FRMD6: variants seen among roughly 807,000 people sequenced by gnomAD.
The protein encoded by FRMD6 is FERM domain-containing protein 6.
Under a neutral mutation model 73.2 loss-of-function variants are expected in FRMD6, and 37 were observed. That is an observed-to-expected ratio of 0.51 (90% CI 0.39 to 0.66). The LOEUF (loss-of-function observed/expected upper bound fraction) is 0.66, where lower values mean the gene tolerates loss of function less well. Ranked by LOEUF, FRMD6 falls within the 30% of genes least tolerant of loss-of-function variation. FRMD6 has a pLI of 0.00. For missense variants in FRMD6, 714 were observed against 780.5 expected, an observed-to-expected ratio of 0.91 and a Z score of 1.02; for synonymous variants, 273 against 282.2, an observed-to-expected ratio of 0.97 and a Z score of 0.33.
chr14:51,546,323 C>T (rs1344102952), intron 1 of FRMD6, among the ~76,000 whole-genome samples: 1 of 151,898 alleles, frequency 6.6e-6, no homozygotes, highest in Non-Finnish European at 1.5e-5. Context: ...ACGTGGCAGC[C>T]TCAGCAGCTC....
intron 2 of FRMD6, among the ~76,000 whole-genome samples, chr14:51,605,423 A>G (rs1484938058): frequency 6.6e-6 from 1 of 152,034 alleles, no homozygotes; most frequent in African/African-American, 2.4e-5. Context: ...CAATTTTAGG[A>G]TGGGTTTGAA....
chr14:51,599,329 A>G (rs1889903802), intron 2 of FRMD6, among the ~76,000 whole-genome samples: 1 of 152,106 alleles, frequency 6.6e-6, no homozygotes, highest in Non-Finnish European at 1.5e-5. Context: ...TTCACCATAT[A>G]CAAAAATTAA....
intron 2 of FRMD6, among the ~76,000 whole-genome samples, chr14:51,580,403 T>C (rs1888654829): frequency 6.6e-6 from 1 of 152,186 alleles, no homozygotes; most frequent in African/African-American, 2.4e-5. Context: ...TGCTAAGTGC[T>C]TTACATAGAT....
chr14:51,397,125 A>C, the FRMD6 span: 1 of 152,322 alleles, frequency 6.6e-6, no homozygotes, highest in South Asian at 2.1e-4. Context: ...TCTGATCTGC[A>C]AGAGGAGACT....
At chr14:51,482,172 T>C in the FRMD6 span, among the ~76,000 whole-genome samples, 9 of 152,196 alleles carry the variant, frequency 5.9e-5, no homozygotes, top group African/African-American at 2.2e-4. Flanking sequence ...CTGCCTCCAA[T>C]AGAATTATCT....
intron 2 of FRMD6, chr14:51,570,462 G>A (rs775553519): frequency 1.3e-5 from 2 of 152,112 alleles, no homozygotes; most frequent in African/African-American, 2.4e-5. Context: ...AACAAAAACC[G>A]AAGTTTAAGA....
chr14:51,470,499 CAAAAAAAACCA>C, the FRMD6 span, among the ~76,000 whole-genome samples: 1 of 143,312 alleles, frequency 7.0e-6, no homozygotes, highest in Non-Finnish European at 1.5e-5. Flanking sequence ...GACTCCGTCT[CAAAAAAAACCA>C]AAAAAAAACC....
Position 51,568,016 on chromosome 14 carries a change from G to A in FRMD6, c.-209-2332G>A, listed in dbSNP as rs1035822738. Among the ~76,000 whole-genome samples, 6 of 152,354 alleles carry A rather than the reference G, an allele frequency of 3.9e-5. No individual in the cohort carries two copies. In the South Asian group the frequency reaches 1.2e-3, roughly 32 times the overall value. On this transcript the variant is annotated intron_variant, in intron 1 of 14. Coordinates refer to the FRMD6 transcript ENST00000356218. ...GTTCCTGAATTTCTAGCCTAGGCAA[G>A]CTAACAAGTTAACATCTGTAGGCAT... is the stretch of plus-strand genomic sequence containing the variant.
chr14:51,669,095 AC>A (rs920025564), intron 1 of FRMD6, among the ~76,000 whole-genome samples: 35 of 152,334 alleles, frequency 2.3e-4, no homozygotes, highest in African/African-American at 8.2e-4. Flanking sequence ...AAGATACAGA[AC>A]ATTTTTGTCA....
At chr14:51,723,608 C>G (rs1897755076) in intron 12 of FRMD6, among the ~76,000 whole-genome samples, 1 of 151,582 alleles carries the variant, frequency 6.6e-6, no homozygotes, top group African/African-American at 2.4e-5. Context: ...TGGTGAAACC[C>G]CATCTCTACT....
chr14:51,689,005 T>G (rs990870949), intron 1 of FRMD6, among the ~76,000 whole-genome samples: 2 of 152,260 alleles, frequency 1.3e-5, no homozygotes, highest in Non-Finnish European at 2.9e-5. Context: ...TGGTTTGATA[T>G]ATACAGTCTT....
intron 1 of FRMD6, among the ~76,000 whole-genome samples, chr14:51,510,598 C>T (rs1356145739): frequency 6.6e-6 from 1 of 152,190 alleles, no homozygotes; most frequent in African/African-American, 2.4e-5. Context: ...ATATTTATCA[C>T]TGGTGTACCA....
chr14:51,512,210 T>C (rs950957134), intron 1 of FRMD6, among the ~76,000 whole-genome samples: 11 of 152,270 alleles, frequency 7.2e-5, no homozygotes, highest in Non-Finnish European at 1.6e-4. Context: ...TGGATAATAG[T>C]TATGCATATG....
At chr14:51,569,676 AT>A (rs1181358818) in intron 1 of FRMD6, among the ~76,000 whole-genome samples, 3 of 149,606 alleles carry the variant, frequency 2.0e-5, no homozygotes, top group Admixed American at 6.7e-5. Flanking sequence ...TAATTTTTGT[AT>A]TTTTTGTGGA....
At chr14:51,497,584 TAA>T (rs954146475) in intron 1 of FRMD6, among the ~76,000 whole-genome samples, 48 of 152,310 alleles carry the variant, frequency 3.2e-4, no homozygotes, top group Middle Eastern at 3.4e-3. Context: ...CCACATATTT[TAA>T]AAGAGTAAGA....
chr14:51,594,350 C>T (rs920782432), intron 2 of FRMD6, among the ~76,000 whole-genome samples: 7 of 100,732 alleles, frequency 6.9e-5, no homozygotes, highest in African/African-American at 2.6e-4. Context: ...TTTTTTGAGA[C>T]GGAGTTTCAC....
At chr14:51,548,978 T>A (rs914249179) in intron 1 of FRMD6, among the ~76,000 whole-genome samples, 12 of 152,200 alleles carry the variant, frequency 7.9e-5, no homozygotes, top group African/African-American at 2.9e-4. Context: ...ATTGATGTAA[T>A]CCATGGTTAG....
At chr14:51,727,610 A>G in intron 13 of FRMD6, 135 bp from the exon 14 acceptor site, 1 of 766,840 alleles carries the variant, frequency 1.3e-6, no homozygotes, top group Non-Finnish European at 2.1e-6. Context: ...TACAGCCCAG[A>G]AACCACAGAT....
the FRMD6 span, among the ~76,000 whole-genome samples, chr14:51,429,938 C>A: frequency 2.0e-5 from 3 of 152,168 alleles, no homozygotes; most frequent in South Asian, 6.2e-4. Flanking sequence ...ATACCCACCA[C>A]CTTGGGGCAA....
Sources: gnomAD v4.1 joint callset for allele counts (sites outside exome capture counted in the v4.1 genomes callset) on GRCh38, gnomAD v4.1.1 for gene constraint, MANE v1.5 for transcripts, NCBI Gene and HGNC (gene_info 2026-07-23, HGNC 2026-07-21) for gene names.